PDE8B: variants seen among roughly 807,000 people sequenced by gnomAD.
PDE8B encodes high affinity cAMP-specific and IBMX-insensitive 3',5'-cyclic phosphodiesterase 8B.
PDE8B carries 26 observed loss-of-function variants against 101.3 expected under a neutral mutation model. That is an observed-to-expected ratio of 0.26 (90% confidence interval 0.19 to 0.36). The LOEUF (loss-of-function observed/expected upper bound fraction) is 0.36, where lower values mean the gene tolerates loss of function less well. Ranked by LOEUF, PDE8B falls within the 10% of genes least tolerant of loss-of-function variation. The pLI is 1.00. For missense variants in PDE8B, 810 were observed against 1,163.1 expected, an observed-to-expected ratio of 0.70 and a Z score of 4.42; for synonymous variants, 424 against 429.3, an observed-to-expected ratio of 0.99 and a Z score of 0.15.
At chr5:77,218,058 C>T (rs549140597) in intron 1 of PDE8B, among the ~76,000 whole-genome samples, 22 of 152,192 alleles carry the variant, frequency 1.4e-4, no homozygotes, top group African/African-American at 5.1e-4. Flanking sequence ...ATTAGCCTAC[C>T]CTGCTGCAAA....
chr5:77,166,654 A>C, the PDE8B span: 2 of 152,102 alleles, frequency 1.3e-5, no homozygotes, highest in Non-Finnish European at 2.9e-5. Flanking sequence ...TTCTATTTTT[A>C]TATATTTTTC....
Position 77,210,699 on chromosome 5 carries a change from C to T in PDE8B, c.-227C>T, listed in dbSNP as rs1561347693. 1.0e-6 allele frequency: 1 copy of T among 980,550 alleles called. No homozygotes were observed. The highest frequency in any genetic ancestry group is 1.2e-6 in the Non-Finnish European group (1 of 827,664). 60.7% of individuals were successfully genotyped at this position (980,550 alleles called of 1,614,324 possible). A position where few individuals can be genotyped will look rare whatever the true frequency, so the allele number is the denominator to read the frequency against. ...GGCGCTGTGTATGCGCGCTCCCCCG[C>T]TCGGGGAGGAAGATGGCCCAAAAGG... On this transcript the variant is annotated 5_prime_UTR_variant, in exon 1 of 22. Coordinates refer to ENST00000264917, the MANE Select transcript of PDE8B (RefSeq NM_003719.5). The surrounding 1 kb of genome is among the most constrained non-coding windows in gnomAD (Gnocchi z 4.9).
the PDE8B span, among the ~76,000 whole-genome samples, chr5:77,121,243 C>T: frequency 6.6e-6 from 1 of 152,232 alleles, no homozygotes. Flanking sequence ...GCTGAAAGAT[C>T]CACTTGCAAG....
chr5:77,144,037 C>T, the PDE8B span: 26 of 152,172 alleles, frequency 1.7e-4, no homozygotes, highest in African/African-American at 6.0e-4. Flanking sequence ...TTGCCTCATA[C>T]GAGAAGAATC....
At position 77,426,704 on chromosome 5, in the gene PDE8B, A is replaced by C; in HGVS notation, c.*150A>C. 1.5e-6 allele frequency: 1 copy of C among 671,144 alleles called. No homozygotes were observed. The highest frequency in any genetic ancestry group is 2.7e-6 in the Non-Finnish European group (1 of 365,954). 41.6% of individuals were successfully genotyped at this position (671,144 alleles called of 1,614,324 possible). A position where few individuals can be genotyped will look rare whatever the true frequency, so the allele number is the denominator to read the frequency against. ...TGACCTTGAATCATTCAAGTCCCCA[A>C]ATTTCATTCTTAGAAAGTTATGTTC... On this transcript the variant is annotated 3_prime_UTR_variant, in exon 22 of 22. Coordinates refer to ENST00000264917, the MANE Select transcript of PDE8B (RefSeq NM_003719.5).
intron 1 of PDE8B, among the ~76,000 whole-genome samples, chr5:77,283,161 CTT>C (rs1239791352): frequency 1.3e-5 from 2 of 152,048 alleles, no homozygotes; most frequent in African/African-American, 2.4e-5. Flanking sequence ...AAAAAATAGA[CTT>C]AATTTTTTTA....
intron 10 of PDE8B, among the ~76,000 whole-genome samples, chr5:77,396,696 T>C (rs976997281): frequency 1.3e-5 from 2 of 152,136 alleles, no homozygotes; most frequent in African/African-American, 4.8e-5. Flanking sequence ...TTAAATAGCC[T>C]CTAAACTATG....
chr5:77,419,803 C>T lies in PDE8B; in HGVS notation c.2166C>T (p.Asp722=). The change falls in exon 19 of 22, where the codon GAC becomes GAT. Residue 722 remains aspartate, a synonymous_variant. Coordinates refer to ENST00000264917, the MANE Select transcript of PDE8B (RefSeq NM_003719.5). ...GAACGCTGCGCCAGGCTATTATTGA[C>T]ATGGTTTTGGCAACAGAGATGACAA... The part of the protein sequence containing the change: ...HYRTLRQAII[D]MVLATEMTKH... 6.2e-7 allele frequency: 1 copy of T among 1,614,062 alleles called. No individual in the cohort carries two copies. The highest frequency in any genetic ancestry group is 8.5e-7 in the Non-Finnish European group (1 of 1,179,930).
chr5:77,291,020 A>G (rs1201504091), intron 1 of PDE8B: 1 of 1,612,022 alleles, frequency 6.2e-7, no homozygotes, highest in Non-Finnish European at 8.5e-7. Context: ...CTCAGGTGGG[A>G]AAACAGATGG....
the PDE8B span, among the ~76,000 whole-genome samples, chr5:77,129,756 G>A: frequency 3.9e-5 from 6 of 152,150 alleles, no homozygotes; most frequent in African/African-American, 1.2e-4. Flanking sequence ...CTTCACACTA[G>A]CTCTGGCATT....
In PDE8B at chr5:77,351,077, G is replaced by T; in HGVS notation, c.1030G>T (p.Val344Phe). 8 of 1,613,560 alleles carry T rather than the reference G, an allele frequency of 5.0e-6. No homozygotes were observed. The highest frequency in any genetic ancestry group is 6.8e-6 in the Non-Finnish European group (8 of 1,179,460). Residue 344 changes from valine (V) to phenylalanine (F), a missense_variant, in exon 9 of 22, where the codon GTT becomes TTT. Val to Phe is a conservative substitution (Grantham distance 50). This residue lies in a region of PDE8B where 251 missense variants were observed against 378.8 expected (regional missense o/e 0.66). Transcript: ENST00000264917. Reference sequence around the variant, plus strand: ...TTTGTCCATGTAGGAGTGGCAGGGGGTTTACTATGCCAGACGGAAATCCGG... The same window carrying T: ...TTTGTCCATGTAGGAGTGGCAGGGGTTTTACTATGCCAGACGGAAATCCGG... Reference protein sequence around the residue: ...CIKKGKEWQGVYYARRKSGDS... With the variant: ...CIKKGKEWQGFYYARRKSGDS...
chr5:77,245,305 A>T (rs1240055237), intron 1 of PDE8B, among the ~76,000 whole-genome samples: 1 of 152,248 alleles, frequency 6.6e-6, no homozygotes, highest in Non-Finnish European at 1.5e-5. Context: ...GAGTAAAATA[A>T]AATAACTTTG....
At chr5:77,323,702 T>C (rs1044089006) in intron 2 of PDE8B, among the ~76,000 whole-genome samples, 6 of 152,232 alleles carry the variant, frequency 3.9e-5, no homozygotes, top group Admixed American at 3.9e-4. Context: ...CTCATGCTTG[T>C]GATCCCAGCA....
chr5:77,419,771 CAT>C lies in PDE8B; in HGVS notation c.2135_2136del (p.His712LeufsTer10). 6.2e-7 allele frequency: 1 copy of C among 1,613,940 alleles called. No homozygotes were observed. Among genetic ancestry groups the C allele is most frequent in the Non-Finnish European group, 8.5e-7 (1 of 1,179,916 alleles). On this transcript the variant is annotated frameshift_variant, in exon 19 of 22. Coordinates refer to ENST00000264917, the MANE Select transcript of PDE8B (RefSeq NM_003719.5). LOFTEE classifies it high-confidence loss of function. The stretch of plus-strand genomic sequence containing the variant: ...TTTGTCTTGTGGTTATTTTAGGAAC[CAT>C]TATCGAACGCTGCGCCAGGCTATTA... Reference protein sequence around the residue: ...CNIFKNIDRNHYRTLRQAIID... With the variant: ...CNIFKNIDRNXYRTLRQAIID...
the PDE8B span, chr5:77,098,833 CAGAAAGAGAGAGAGTG>C: frequency 1.3e-5 from 2 of 151,784 alleles, no homozygotes; most frequent in South Asian, 2.1e-4. Flanking sequence ...GAGAGAGAGA[CAGAAAGAGAGAGAGTG>C]AGAAAGAGAG....
At chr5:77,163,193 A>T in the PDE8B span, among the ~76,000 whole-genome samples, 417 of 152,350 alleles carry the variant, frequency 2.7e-3, no homozygotes, top group Non-Finnish European at 4.7e-3. Flanking sequence ...TAAAATTATG[A>T]AAACCTTTGG....
chr5:77,236,330 A>C lies in PDE8B; in HGVS notation c.339+25066A>C, dbSNP rs79189223. Among the ~76,000 whole-genome samples, 1,306 of 152,318 alleles carry C rather than the reference A, an allele frequency of 8.6e-3. 13 individuals are homozygous for C. Among genetic ancestry groups the C allele is most frequent in the African/African-American group, 0.03 (1,231 of 41,558 alleles). On this transcript the variant is annotated intron_variant, in intron 1 of 21. Coordinates refer to ENST00000264917, the MANE Select transcript of PDE8B (RefSeq NM_003719.5). ...CATAGATGACACTTAAAGCTATGAA[A>C]CTGGATGGGATCATCAAGTGAGTGA...
At chr5:77,287,961 CT>C (rs947912675) in intron 1 of PDE8B, among the ~76,000 whole-genome samples, 5 of 152,112 alleles carry the variant, frequency 3.3e-5, no homozygotes, top group African/African-American at 1.2e-4. Context: ...TTTGGTCAAC[CT>C]TTTTTTCCCT....
chr5:77,215,102 G>A (rs372469122), intron 1 of PDE8B, among the ~76,000 whole-genome samples: 8 of 152,106 alleles, frequency 5.3e-5, no homozygotes, highest in East Asian at 1.9e-4. Context: ...CTGAGCCTCC[G>A]AGATTGGCTA....
Sources: gnomAD v4.1 joint callset for allele counts (sites outside exome capture counted in the v4.1 genomes callset) on GRCh38, gnomAD v4.1.1 for gene constraint, gnomAD v4.1.1 regional missense constraint, Gnocchi (gnomAD v3.1) non-coding constraint, MANE v1.5 for transcripts, NCBI Gene and HGNC (gene_info 2026-07-23, HGNC 2026-07-21) for gene names.